NAALADL2: variants seen among roughly 807,000 people sequenced by gnomAD.
NAALADL2 encodes N-acetylated alpha-linked acidic dipeptidase like 2.
In NAALADL2, 76 loss-of-function variants were observed where a neutral mutation model predicts 87.2. The ratio of observed to expected loss-of-function variants is 0.87; its 90% CI spans 0.72 to 1.05. The LOEUF (loss-of-function observed/expected upper bound fraction) is 1.05, where lower values mean the gene tolerates loss of function less well. Among genes scored for constraint, NAALADL2 ranks in the 50% least tolerant of loss-of-function variants. The pLI, the probability that NAALADL2 is intolerant of heterozygous loss-of-function variation, is 0.00. For synonymous variants in NAALADL2, 354 were observed against 331.0 expected, an observed-to-expected ratio of 1.07 and a Z score of -0.75; for missense variants, 1,089 against 945.8, an observed-to-expected ratio of 1.15 and a Z score of -1.99.
chr3:175,323,022 T>C (rs1378329139), intron 4 of NAALADL2, among the ~76,000 whole-genome samples: 1 of 151,028 alleles, frequency 6.6e-6, no homozygotes, highest in Non-Finnish European at 1.5e-5. Context: ...CATGCTGCTA[T>C]AAAGACACAT....
chr3:174,571,426 GA>G (rs1714907778), intron 2 of NAALADL2, among the ~76,000 whole-genome samples: 1 of 152,030 alleles, frequency 6.6e-6, no homozygotes, highest in African/African-American at 2.4e-5. Context: ...GCCCAGGCTG[GA>G]GTGTAATGGC....
chr3:175,298,131 C>G lies in NAALADL2; in HGVS notation c.940-26044C>G, dbSNP rs1482138135. Among the ~76,000 whole-genome samples, 3 of 152,182 alleles carry G rather than the reference C, an allele frequency of 2.0e-5. No homozygotes were observed. The South Asian group carries it at 6.2e-4, about 32-fold the overall frequency. ...GACAGGGAAACAAAGTGGCTAAATACTCATATTTAATGAATGAATTTTTCA... is the reference window on the plus strand; with the variant it reads ...GACAGGGAAACAAAGTGGCTAAATAGTCATATTTAATGAATGAATTTTTCA... On this transcript the variant is annotated intron_variant, in intron 4 of 13. Coordinates refer to ENST00000454872, the MANE Select transcript of NAALADL2 (RefSeq NM_207015.3).
chr3:174,579,841 A>G (rs1040430846), intron 2 of NAALADL2, among the ~76,000 whole-genome samples: 2 of 152,014 alleles, frequency 1.3e-5, no homozygotes, highest in African/African-American at 4.8e-5. Context: ...TGTATGTTGG[A>G]TGGTAGCCTT....
chr3:175,735,725 C>T (rs870499), intron 11 of NAALADL2, among the ~76,000 whole-genome samples: 14,851 of 152,136 alleles, frequency 0.098, 775 homozygotes, highest in African/African-American at 0.13. Context: ...TCATCTATTA[C>T]CAGGTCCCTC....
intron 4 of NAALADL2, among the ~76,000 whole-genome samples, chr3:175,323,800 G>A (rs143371647): frequency 2.4e-3 from 357 of 151,844 alleles, no homozygotes; most frequent in African/African-American, 7.9e-3. Flanking sequence ...GGCGGATCAC[G>A]AGGTCAGGCG....
chr3:175,697,820 T>C (rs1738091544), intron 11 of NAALADL2, among the ~76,000 whole-genome samples: 1 of 106,210 alleles, frequency 9.4e-6, no homozygotes, highest in Non-Finnish European at 2.1e-5. Context: ...TATGTATGTA[T>C]ACATATATAT....
chr3:175,637,804 A>T (rs1274022399), intron 11 of NAALADL2, among the ~76,000 whole-genome samples: 1 of 152,228 alleles, frequency 6.6e-6, no homozygotes, highest in African/African-American at 2.4e-5. Flanking sequence ...GTAGCAAAAC[A>T]GACTAAGACA....
intron 13 of NAALADL2, among the ~76,000 whole-genome samples, chr3:175,788,408 G>C (rs550259175): frequency 1.4e-4 from 22 of 152,114 alleles, no homozygotes; most frequent in African/African-American, 4.8e-4. Context: ...ATCTTTTATA[G>C]AGTACTTTTA....
chr3:175,758,069 A>G (rs1747494429), intron 13 of NAALADL2, among the ~76,000 whole-genome samples: 1 of 152,064 alleles, frequency 6.6e-6, no homozygotes, highest in South Asian at 2.1e-4. Flanking sequence ...ACTTTTTATT[A>G]TCCGTTCAAA....
chr3:174,541,748 AG>A (rs1201824549), intron 1 of NAALADL2, among the ~76,000 whole-genome samples: 1 of 152,254 alleles, frequency 6.6e-6, no homozygotes, highest in Non-Finnish European at 1.5e-5. Flanking sequence ...GGCAATGATT[AG>A]GTACATACTT....
chr3:175,362,535 T>G (rs1318714361), intron 5 of NAALADL2, among the ~76,000 whole-genome samples: 1 of 148,208 alleles, frequency 6.7e-6, no homozygotes, highest in Non-Finnish European at 1.5e-5. Flanking sequence ...TATCCTCTTT[T>G]ATTTCGTTAA....
At chr3:175,528,812 A>T (rs1408611692) in intron 9 of NAALADL2, among the ~76,000 whole-genome samples, 1 of 152,226 alleles carries the variant, frequency 6.6e-6, no homozygotes, top group Non-Finnish European at 1.5e-5. Context: ...TAAAATGAAG[A>T]TATTTTGTTA....
chr3:175,375,044 T>G (rs1319228130), intron 5 of NAALADL2, among the ~76,000 whole-genome samples: 1 of 152,132 alleles, frequency 6.6e-6, no homozygotes, highest in African/African-American at 2.4e-5. Context: ...AAATCTTACT[T>G]TTCTTATTGA....
intron 2 of NAALADL2, among the ~76,000 whole-genome samples, chr3:175,195,880 G>C (rs1328085172): frequency 1.3e-5 from 2 of 151,862 alleles, no homozygotes; most frequent in African/African-American, 2.4e-5. Context: ...CTATAGCATT[G>C]ACAGTTCTTT....
chr3:174,844,864 G>GT (rs1724425287), intron 3 of NAALADL2, among the ~76,000 whole-genome samples: 1 of 27,702 alleles, frequency 3.6e-5, no homozygotes, highest in Non-Finnish European at 6.5e-5. Context: ...TTTTTTTTTG[G>GT]GGGAGTCTTT....
chr3:174,454,346 T>C (rs909908784), intron 1 of NAALADL2, among the ~76,000 whole-genome samples: 1 of 151,996 alleles, frequency 6.6e-6, no homozygotes, highest in Non-Finnish European at 1.5e-5. Flanking sequence ...GGGAGAAAAT[T>C]AACGATATTC....
chr3:175,382,260 A>T (rs1450312201), intron 5 of NAALADL2, among the ~76,000 whole-genome samples: 1 of 152,156 alleles, frequency 6.6e-6, no homozygotes, highest in African/African-American at 2.4e-5. Flanking sequence ...AAACAGTATG[A>T]CATTATTTTA....
At chr3:175,434,349 A>C (rs1718267363) in intron 5 of NAALADL2, among the ~76,000 whole-genome samples, 1 of 152,006 alleles carries the variant, frequency 6.6e-6, no homozygotes, top group East Asian at 1.9e-4. Flanking sequence ...CAAAGGCCAG[A>C]TACTGGTCTC....
At chr3:175,660,360 A>G (rs73171444) in intron 11 of NAALADL2, among the ~76,000 whole-genome samples, 1 of 152,262 alleles carries the variant, frequency 6.6e-6, no homozygotes, top group Non-Finnish European at 1.5e-5. Flanking sequence ...CAATGATGCT[A>G]TGTCAGACCC....
Sources: gnomAD v4.1 joint callset for allele counts (sites outside exome capture counted in the v4.1 genomes callset) on GRCh38, gnomAD v4.1.1 for gene constraint, MANE v1.5 for transcripts, NCBI Gene and HGNC (gene_info 2026-07-23, HGNC 2026-07-21) for gene names.